Variants in RYR2 observed in about 807,000 individuals in gnomAD.
The protein encoded by RYR2 is cardiac muscle ryanodine receptor-calcium release channel.
In RYR2, 227 loss-of-function variants were observed where a neutral mutation model predicts 601.1. The observed-to-expected ratio is 0.38, with a 90% CI of 0.34 to 0.42. The LOEUF (loss-of-function observed/expected upper bound fraction) is 0.42. Among genes scored for constraint, RYR2 ranks in the 10% least tolerant of loss-of-function variants. RYR2 has a pLI of 1.00. For missense variants in RYR2, 4,646 were observed against 6,156.5 expected (o/e 0.75, Z 8.21); for synonymous variants, 2,223 against 2,175.1 (o/e 1.02, Z -0.61).
intron 1 of RYR2, among the ~76,000 whole-genome samples, chr1:237,091,511 G>A (rs767890638): frequency 2.6e-4 from 40 of 152,062 alleles, no homozygotes; most frequent in Non-Finnish European, 4.3e-4. Flanking sequence ...TGCAACCTCC[G>A]CCTCCTGGGT....
intron 87 of RYR2, among the ~76,000 whole-genome samples, chr1:237,777,272 C>T (rs1694741392): frequency 6.6e-6 from 1 of 152,132 alleles, no homozygotes; most frequent in African/African-American, 2.4e-5. Context: ...GGTAGTGAGT[C>T]TACTGCTTTT....
chr1:237,732,692 C>T (rs929103946), intron 78 of RYR2, among the ~76,000 whole-genome samples: 3 of 152,174 alleles, frequency 2.0e-5, no homozygotes, highest in African/African-American at 7.2e-5. Context: ...GGGCAAACCT[C>T]TCTGAAGTTA....
intron 1 of RYR2, among the ~76,000 whole-genome samples, chr1:237,149,635 A>G (rs1018913126): frequency 2.0e-5 from 3 of 152,192 alleles, no homozygotes; most frequent in Non-Finnish European, 4.4e-5. Flanking sequence ...GTGAAGTGTG[A>G]TGAAGTTTCC....
chr1:237,222,505 A>G (rs890773544), intron 1 of RYR2, among the ~76,000 whole-genome samples: 9 of 152,032 alleles, frequency 5.9e-5, no homozygotes, highest in African/African-American at 2.2e-4. Context: ...GGCTCTTCAA[A>G]CATACTCCAA....
At position 237,809,077 on chromosome 1, in the gene RYR2, C is replaced by A. The variant is rs113744471; in HGVS notation, c.14433+42C>A. 4.5e-6 allele frequency: 7 copies of A among 1,556,896 alleles called. No individual in the cohort carries two copies. In the African/African-American group the frequency reaches 5.5e-5, roughly 12 times the overall value. On this transcript the variant is annotated intron_variant, in intron 100 of 104. Transcript: ENST00000366574. Reference sequence around the variant, plus strand: ...TGATCTCACATAAACAAAAATGTCTCCTGCTTCTGCAGTCTAAGTAATTGT... The same window carrying A: ...TGATCTCACATAAACAAAAATGTCTACTGCTTCTGCAGTCTAAGTAATTGT...
rs1672119579 is a variant in RYR2 at position 237,566,676 on chromosome 1, C to T, written c.3324C>T (p.Val1108=). 6.2e-7 allele frequency: 1 copy of T among 1,613,832 alleles called. No individual in the cohort carries two copies. The highest frequency in any genetic ancestry group is 1.3e-5 in the African/African-American group (1 of 74,918). The part of the protein sequence containing the change: ...AGRWYFEFET[V]TAGDMRVGWS... ...GGTGGTATTTTGAATTTGAGACGGT[C>T]ACTGCTGGAGACATGAGGGTTGGTT... The change falls in exon 28 of 105, where the codon GTC becomes GTT. Residue 1108 remains valine (V), a synonymous_variant. Coordinates refer to ENST00000366574, the MANE Select transcript of RYR2 (RefSeq NM_001035.3).
intron 96 of RYR2, among the ~76,000 whole-genome samples, chr1:237,796,014 A>G (rs1395952257): frequency 6.6e-6 from 1 of 150,456 alleles, no homozygotes; most frequent in Non-Finnish European, 1.5e-5. Context: ...ATGTACATAT[A>G]TGTATATTTG....
chr1:237,544,137 A>C (rs1412933308), intron 25 of RYR2, among the ~76,000 whole-genome samples: 1 of 152,214 alleles, frequency 6.6e-6, no homozygotes, highest in Non-Finnish European at 1.5e-5. Flanking sequence ...TGCCAAAATA[A>C]AACTAAGAGC....
intron 101 of RYR2, among the ~76,000 whole-genome samples, chr1:237,826,982 A>G (rs566050283): frequency 1.2e-4 from 18 of 152,184 alleles, no homozygotes; most frequent in African/African-American, 3.9e-4. Flanking sequence ...GGCAACTTGG[A>G]GTGTGGTGTT....
intron 3 of RYR2, among the ~76,000 whole-genome samples, chr1:237,354,600 A>G (rs1047441626): frequency 3.3e-5 from 5 of 152,232 alleles, no homozygotes; most frequent in Middle Eastern, 3.4e-3. Flanking sequence ...AAAGTGCACA[A>G]TTGCACTGTG....
intron 1 of RYR2, among the ~76,000 whole-genome samples, chr1:237,129,479 A>G (rs1424915007): frequency 4.6e-5 from 7 of 152,188 alleles, no homozygotes. Context: ...CTGGAGATGT[A>G]CACTTAGTCT....
chr1:237,216,244 A>T (rs1315795889), intron 1 of RYR2, among the ~76,000 whole-genome samples: 1 of 152,190 alleles, frequency 6.6e-6, no homozygotes, highest in East Asian at 1.9e-4. Flanking sequence ...CTGCATCTCT[A>T]TGAATTCAGT....
At chr1:237,660,203 C>T (rs890027540) in intron 55 of RYR2, 129 bp downstream of exon 55, 35 of 458,764 alleles carry the variant, frequency 7.6e-5, no homozygotes, top group South Asian at 2.4e-4. Flanking sequence ...CCAAAGGTCC[C>T]GTTTAAAAAA....
chr1:237,827,828 T>A (rs937942741), intron 101 of RYR2, among the ~76,000 whole-genome samples: 8 of 145,808 alleles, frequency 5.5e-5, no homozygotes, highest in African/African-American at 2.0e-4. Flanking sequence ...TCCCAGCTGC[T>A]GGGGAGGCTG....
At chr1:237,623,711 T>A (rs1404880855) in intron 38 of RYR2, 54 bp from the exon 39 acceptor site, 14 of 1,221,330 alleles carry the variant, frequency 1.1e-5, no homozygotes, top group Non-Finnish European at 1.6e-5. Flanking sequence ...CATTCTTGAA[T>A]TCACCTTTCT....
At position 237,383,046 on chromosome 1, in the gene RYR2, A is replaced by G. The variant is rs533783846; in HGVS notation, c.577-4235A>G. Among the ~76,000 whole-genome samples the G allele has an allele frequency of 6.7e-4, 102 of 152,178 alleles. 1 individual carries two copies. The highest frequency in any genetic ancestry group is 2.4e-3 in the African/African-American group (99 of 41,454). ...GGGCCGAAGTACCTGAAAGTTTAAT[A>G]AAAAATGAATAAATGAATGAATAAT... is the stretch of plus-strand genomic sequence containing the variant. On this transcript the variant is annotated intron_variant, in intron 8 of 104. Coordinates refer to ENST00000366574, the MANE Select transcript of RYR2 (RefSeq NM_001035.3).
intron 17 of RYR2, among the ~76,000 whole-genome samples, chr1:237,488,708 C>A (rs1289232971): frequency 2.6e-5 from 4 of 152,152 alleles, no homozygotes; most frequent in African/African-American, 9.6e-5. Flanking sequence ...TAAGAAGGTA[C>A]TTTGTAATAT....
At chr1:237,439,294 T>C (rs934336363) in intron 12 of RYR2, among the ~76,000 whole-genome samples, 6 of 152,318 alleles carry the variant, frequency 3.9e-5, no homozygotes, top group Non-Finnish European at 7.3e-5. Flanking sequence ...TTCTCACTTA[T>C]TTTTTCTAAT....
intron 1 of RYR2, among the ~76,000 whole-genome samples, chr1:237,184,791 T>C (rs984445892): frequency 6.6e-6 from 1 of 152,148 alleles, no homozygotes; most frequent in African/African-American, 2.4e-5. Context: ...ATTAAAAGTA[T>C]ACAGAACTTA....
Sources: gnomAD v4.1 joint callset for allele counts (sites outside exome capture counted in the v4.1 genomes callset) on GRCh38, gnomAD v4.1.1 for gene constraint, MANE v1.5 for transcripts, NCBI Gene and HGNC (gene_info 2026-07-23, HGNC 2026-07-21) for gene names.